Variants in GPLD1 observed in about 807,000 individuals in gnomAD.
The protein encoded by GPLD1 is phosphatidylinositol-glycan-specific phospholipase D.
In GPLD1, 84 loss-of-function variants were observed where a neutral mutation model predicts 112.6. The ratio of observed to expected loss-of-function variants is 0.75; its 90% CI spans 0.63 to 0.89. The LOEUF (loss-of-function observed/expected upper bound fraction) is 0.89, where lower values mean the gene tolerates loss of function less well. Ranked by LOEUF, GPLD1 falls within the 40% of genes least tolerant of loss-of-function variation. The pLI is 0.00. For missense variants in GPLD1, 1,044 were observed against 1,051.5 expected (o/e 0.99, Z 0.10); for synonymous variants, 386 against 403.8 (o/e 0.96, Z 0.53).
At chr6:24,461,264 A>T (rs1763424473) in intron 11 of GPLD1, among the ~76,000 whole-genome samples, 1 of 152,084 alleles carries the variant, frequency 6.6e-6, no homozygotes, top group African/African-American at 2.4e-5. Flanking sequence ...AAAGATTGCA[A>T]GCCTAATCAA....
intron 15 of GPLD1, 115 bp downstream of exon 15, chr6:24,449,674 G>A: frequency 1.4e-6 from 1 of 719,866 alleles, no homozygotes; most frequent in Non-Finnish European, 2.4e-6. Context: ...CAAATGCTCT[G>A]TCTCACACAC....
chr6:24,447,252 T>C (rs1304314211), intron 17 of GPLD1, among the ~76,000 whole-genome samples: 4 of 152,104 alleles, frequency 2.6e-5, no homozygotes, highest in Admixed American at 1.3e-4. Flanking sequence ...ACACCTGTAA[T>C]CCCAGCACTT....
chr6:24,477,349 T>C (rs1356377944), intron 3 of GPLD1, among the ~76,000 whole-genome samples: 1 of 150,638 alleles, frequency 6.6e-6, no homozygotes, highest in Non-Finnish European at 1.5e-5. Context: ...TCAGACCCAC[T>C]TCTAATCCTG....
chr6:24,454,503 G>A (rs1581753018), intron 13 of GPLD1, among the ~76,000 whole-genome samples: 1 of 152,170 alleles, frequency 6.6e-6, no homozygotes, highest in Non-Finnish European at 1.5e-5. Context: ...ACAAAACCAG[G>A]GCTTGCCTGA....
intron 5 of GPLD1, 112 bp downstream of exon 5, chr6:24,475,009 C>A: frequency 3.2e-6 from 2 of 632,776 alleles, no homozygotes; most frequent in African/African-American, 1.8e-5. Flanking sequence ...CTGCTTTGGG[C>A]AGAAGTCTGA....
chr6:24,453,967 A>G (rs898812280), intron 14 of GPLD1, 48 bp downstream of exon 14: 12 of 1,203,568 alleles, frequency 1.0e-5, no homozygotes, highest in African/African-American at 1.5e-5. Context: ...ACAAAATGCA[A>G]GAGTAGCTAC....
intron 24 of GPLD1, among the ~76,000 whole-genome samples, chr6:24,431,953 A>G (rs1762417760): frequency 6.6e-6 from 1 of 152,200 alleles, no homozygotes; most frequent in Non-Finnish European, 1.5e-5. Context: ...AAAAAGCTAC[A>G]CATACGTACA....
chr6:24,469,819 A>G (rs1479320604), intron 7 of GPLD1, among the ~76,000 whole-genome samples: 1 of 152,184 alleles, frequency 6.6e-6, no homozygotes, highest in Non-Finnish European at 1.5e-5. Flanking sequence ...AAAAATCGCA[A>G]CCAATAAAAT....
At position 24,428,906 on chromosome 6, in the gene GPLD1, G is replaced by C; in HGVS notation, c.*126C>G. On this transcript the variant is annotated 3_prime_UTR_variant, in exon 25 of 25. Coordinates refer to ENST00000230036, the MANE Select transcript of GPLD1 (RefSeq NM_001503.4). ...TGTTAGTGTGTCTCTCTACTCCCAGGAGCCCCATGTCTATCAGGATCTACC... is the reference window on the plus strand; with the variant it reads ...TGTTAGTGTGTCTCTCTACTCCCAGCAGCCCCATGTCTATCAGGATCTACC... 1 of 565,972 alleles carries C rather than the reference G, an allele frequency of 1.8e-6. No homozygotes were observed. 35.1% of individuals were successfully genotyped at this position (565,972 alleles called of 1,614,324 possible).
intron 7 of GPLD1, among the ~76,000 whole-genome samples, chr6:24,470,819 G>A (rs188362144): frequency 2.6e-4 from 39 of 152,026 alleles, no homozygotes; most frequent in Admixed American, 1.2e-3. Context: ...GGCTGATCTC[G>A]AACTCCTGAC....
At chr6:24,437,536 T>A (rs573054966) in intron 20 of GPLD1, among the ~76,000 whole-genome samples, 7 of 152,166 alleles carry the variant, frequency 4.6e-5, no homozygotes, top group African/African-American at 1.7e-4. Flanking sequence ...CATAATACAG[T>A]CTCCACACAG....
intron 11 of GPLD1, 93 bp downstream of exon 11, chr6:24,462,637 G>A: frequency 1.3e-6 from 1 of 797,854 alleles, no homozygotes; most frequent in Non-Finnish European, 2.2e-6. Context: ...ACCTACAGCT[G>A]TCTCTCAACA....
At chr6:24,442,464 A>G (rs1762778562) in intron 20 of GPLD1, among the ~76,000 whole-genome samples, 1 of 42,478 alleles carries the variant, frequency 2.4e-5, no homozygotes, top group Non-Finnish European at 4.2e-5. Flanking sequence ...TTTTTTTTTG[A>G]GATGGAATTT....
At chr6:24,438,932 A>ACG (rs1762663133) in intron 20 of GPLD1, among the ~76,000 whole-genome samples, 1 of 152,080 alleles carries the variant, frequency 6.6e-6, no homozygotes, top group African/African-American at 2.4e-5. Flanking sequence ...GACTACAGGC[A>ACG]CGCGCCACCA....
upstream of GPLD1, among the ~76,000 whole-genome samples, chr6:24,491,172 G>A (rs1764548821): frequency 2.0e-5 from 3 of 152,122 alleles, no homozygotes; most frequent in African/African-American, 7.2e-5. Context: ...CATGCAATGT[G>A]TGCAGGTTTC....
intron 3 of GPLD1, among the ~76,000 whole-genome samples, chr6:24,478,871 T>A (rs1764109293): frequency 6.6e-6 from 1 of 152,176 alleles, no homozygotes; most frequent in Non-Finnish European, 1.5e-5. Context: ...TCCTCTCCAA[T>A]TACTCAGTTT....
At chr6:24,465,208 AAAAAAGAAAAG>A (rs1292744163) in intron 10 of GPLD1, among the ~76,000 whole-genome samples, 22 of 131,466 alleles carry the variant, frequency 1.7e-4, no homozygotes, top group African/African-American at 6.6e-4. Context: ...AAAAAAAAAA[AAAAAAGAAAAG>A]AAAAGAAAAG....
upstream of GPLD1, among the ~76,000 whole-genome samples, chr6:24,492,129 C>G (rs1764573722): frequency 6.6e-6 from 1 of 152,074 alleles, no homozygotes; most frequent in Non-Finnish European, 1.5e-5. Context: ...AGTAAACATA[C>G]AGTTACATTA....
At chr6:24,485,166 T>A (rs1214410283) in intron 2 of GPLD1, among the ~76,000 whole-genome samples, 2 of 152,204 alleles carry the variant, frequency 1.3e-5, no homozygotes, top group Non-Finnish European at 2.9e-5. Context: ...CTCCTGGTGA[T>A]GCAATTTGTG....
Sources: gnomAD v4.1 joint callset for allele counts (sites outside exome capture counted in the v4.1 genomes callset) on GRCh38, gnomAD v4.1.1 for gene constraint, MANE v1.5 for transcripts, NCBI Gene and HGNC (gene_info 2026-07-23, HGNC 2026-07-21) for gene names.